Variants in CAP2 observed in about 807,000 individuals in gnomAD.
CAP2 encodes the protein adenylyl cyclase-associated protein 2.
In CAP2, 24 loss-of-function variants were observed where a neutral mutation model predicts 57.7. That is an observed-to-expected ratio of 0.42 (90% CI 0.30 to 0.58). CAP2 has a LOEUF of 0.58. CAP2 is among the 20% of genes least tolerant of loss of function. The pLI, the probability that CAP2 is intolerant of heterozygous loss-of-function variation, is 0.22. For synonymous variants in CAP2, 194 were observed against 207.2 expected, an observed-to-expected ratio of 0.94 and a Z score of 0.55; for missense variants, 501 against 590.3, an observed-to-expected ratio of 0.85 and a Z score of 1.57.
chr6:17,424,304 G>A (rs1759523261), intron 2 of CAP2, among the ~76,000 whole-genome samples: 1 of 152,132 alleles, frequency 6.6e-6, no homozygotes, highest in Non-Finnish European at 1.5e-5. Flanking sequence ...GGAGGCTGAG[G>A]CAGGAAAATG....
intron 2 of CAP2, among the ~76,000 whole-genome samples, chr6:17,423,854 C>T (rs1422927213): frequency 1.3e-5 from 2 of 152,116 alleles, no homozygotes; most frequent in African/African-American, 4.8e-5. Flanking sequence ...AACAACTTAG[C>T]CCGTAATTTA....
chr6:17,459,883 C>T (rs941874149), intron 3 of CAP2, among the ~76,000 whole-genome samples: 1 of 152,022 alleles, frequency 6.6e-6, no homozygotes, highest in Non-Finnish European at 1.5e-5. Flanking sequence ...AAATATTCTA[C>T]ACTATGAGGA....
chr6:17,420,583 C>T (rs1457255411), intron 1 of CAP2, among the ~76,000 whole-genome samples: 1 of 152,154 alleles, frequency 6.6e-6, no homozygotes, highest in Non-Finnish European at 1.5e-5. Context: ...GAGAATTATA[C>T]TTTAACAGAA....
chr6:17,441,980 C>A (rs1022893242), intron 3 of CAP2, among the ~76,000 whole-genome samples: 4 of 152,048 alleles, frequency 2.6e-5, no homozygotes, highest in East Asian at 3.9e-4. Context: ...GTAATGAACT[C>A]TTGTTGCGTT....
intron 3 of CAP2, among the ~76,000 whole-genome samples, chr6:17,455,370 T>C (rs2113585005): frequency 6.6e-6 from 1 of 151,708 alleles, no homozygotes; most frequent in East Asian, 1.9e-4. Context: ...CAGGTGTGCA[T>C]ATGGACAGCC....
rs73367897 is a variant in CAP2, at chr6:17,431,856, G to C, written c.222+5166G>C. Among the ~76,000 whole-genome samples the C allele has an allele frequency of 3.3e-5, 5 of 152,090 alleles. No homozygotes were observed. In the South Asian group the frequency reaches 1.0e-3, roughly 32 times the overall value. ...GCCTGAAAGCATGAGGGAGCTATTC[G>C]GTTTCCAAATGAAGAGCTTGCAATA... is the stretch of plus-strand genomic sequence containing the variant. On this transcript the variant is annotated intron_variant, in intron 3 of 12. Coordinates refer to ENST00000229922, the MANE Select transcript of CAP2 (RefSeq NM_006366.3).
At chr6:17,406,376 T>C (rs969735439) in intron 1 of CAP2, among the ~76,000 whole-genome samples, 14 of 150,164 alleles carry the variant, frequency 9.3e-5, no homozygotes, top group Non-Finnish European at 1.8e-4. Flanking sequence ...TCCCCTACTT[T>C]TCTGTCAGTA....
At chr6:17,518,480 G>A (rs181523710) in intron 7 of CAP2, among the ~76,000 whole-genome samples, 44 of 151,952 alleles carry the variant, frequency 2.9e-4, no homozygotes, top group Non-Finnish European at 3.5e-4. Context: ...GTCTTTGGGA[G>A]GAAAAAATAA....
chr6:17,489,402 A>G (rs1293378811), intron 4 of CAP2, among the ~76,000 whole-genome samples: 1 of 152,252 alleles, frequency 6.6e-6, no homozygotes, highest in African/African-American at 2.4e-5. Flanking sequence ...ACTGCACTCC[A>G]GCCTGGGCAA....
intron 2 of CAP2, among the ~76,000 whole-genome samples, chr6:17,426,295 C>T (rs1186505716): frequency 3.4e-5 from 5 of 149,180 alleles, no homozygotes; most frequent in East Asian, 2.0e-4. Context: ...TGCAGTGGCG[C>T]GATCTCGACT....
At position 17,443,595 on chromosome 6, in the gene CAP2, G is replaced by T. The variant is rs201588967; in HGVS notation, c.222+16905G>T. Among the ~76,000 whole-genome samples the T allele has an allele frequency of 8.3e-5, 7 of 84,732 alleles. No individual in the cohort carries two copies. The South Asian group carries it at 1.5e-3, about 18-fold the overall frequency. 55.6% of individuals were successfully genotyped at this position (84,732 alleles called of 152,430 possible). A position where few individuals can be genotyped will look rare whatever the true frequency, so the allele number is the denominator to read the frequency against. On this transcript the variant is annotated intron_variant, in intron 3 of 12. Coordinates refer to ENST00000229922, the MANE Select transcript of CAP2 (RefSeq NM_006366.3). Reference sequence around the variant, plus strand: ...CACAGACACACACACACACACACACGTGCGCACGTGCACTCCCTCCACTCA... The same window carrying T: ...CACAGACACACACACACACACACACTTGCGCACGTGCACTCCCTCCACTCA...
chr6:17,430,772 C>T (rs1210020593), intron 3 of CAP2, among the ~76,000 whole-genome samples: 1 of 152,078 alleles, frequency 6.6e-6, no homozygotes, highest in South Asian at 2.1e-4. Context: ...CTCCTGACCT[C>T]GTGATCCACC....
chr6:17,540,863 T>G, intron 8 of CAP2, 110 bp from the exon 9 acceptor site: 1 of 978,962 alleles, frequency 1.0e-6, no homozygotes, highest in Non-Finnish European at 1.5e-6. Context: ...GTTTTGAAAG[T>G]GGCCTTACCA....
At position 17,542,949 on chromosome 6, in the gene CAP2, C is replaced by T. The variant is rs1762942046; in HGVS notation, c.1115C>T (p.Ser372Phe). 1.9e-6 allele frequency: 3 copies of T among 1,613,720 alleles called. No individual in the cohort carries two copies. The highest frequency in any genetic ancestry group is 2.5e-6 in the Non-Finnish European group (3 of 1,179,702). ...ATTCAGATAAAAGGGAAAGTAAACT[C>T]CATTATAATTGGTAGGGCAGAATTA... Reference protein sequence around the residue: ...STIQIKGKVNSIIIDNCKKLG... With the variant: ...STIQIKGKVNFIIIDNCKKLG... The change falls in exon 10 of 13, where the codon TCC (serine) becomes TTC (phenylalanine). Residue 372 changes from serine to phenylalanine, a missense_variant. Coordinates refer to ENST00000229922, the MANE Select transcript of CAP2 (RefSeq NM_006366.3).
intron 7 of CAP2, among the ~76,000 whole-genome samples, chr6:17,519,944 T>C (rs1010967395): frequency 2.6e-5 from 4 of 152,260 alleles, no homozygotes; most frequent in African/African-American, 9.6e-5. Flanking sequence ...GTTAAACTTG[T>C]TGACATATTT....
intron 7 of CAP2, among the ~76,000 whole-genome samples, chr6:17,521,163 C>G (rs559079830): frequency 1.3e-5 from 2 of 152,270 alleles, no homozygotes; most frequent in Admixed American, 1.3e-4. Context: ...GCCTGTAATC[C>G]CGGCATTTTG....
chr6:17,427,329 T>C (rs1759619512), intron 3 of CAP2, among the ~76,000 whole-genome samples: 1 of 152,124 alleles, frequency 6.6e-6, no homozygotes, highest in Admixed American at 6.5e-5. Context: ...CCCACTGTGA[T>C]GGGAAGCCAC....
chr6:17,399,727 G>A (rs929682577), intron 1 of CAP2, among the ~76,000 whole-genome samples: 3 of 152,168 alleles, frequency 2.0e-5, no homozygotes, highest in Non-Finnish European at 4.4e-5. Flanking sequence ...GTTCCTGTTA[G>A]CCCTCAGCTT....
intron 7 of CAP2, chr6:17,531,276 A>G: frequency 1.2e-6 from 1 of 858,888 alleles, no homozygotes; most frequent in Non-Finnish European, 2.0e-6. Context: ...GAGCTTCACA[A>G]AGGTTCTGTT....
Sources: allele counts gnomAD v4.1 joint callset (sites outside exome capture counted in the v4.1 genomes callset), GRCh38; gene constraint gnomAD v4.1.1; transcripts MANE v1.5; gene names NCBI Gene and HGNC (gene_info 2026-07-23, HGNC 2026-07-21).